Variants in TTC7A observed in about 807,000 individuals in gnomAD.
The protein encoded by TTC7A is tetratricopeptide repeat domain 7A.
A neutral mutation model predicts 103.7 loss-of-function variants in TTC7A; 110 were observed. That is an observed-to-expected ratio of 1.06 (90% CI 0.91 to 1.24). The LOEUF is 1.24. Ranked by LOEUF, TTC7A falls within the 50% of genes most tolerant of loss-of-function variation. The pLI, the probability that TTC7A is intolerant of heterozygous loss-of-function variation, is 0.00. For synonymous variants in TTC7A, 521 were observed against 467.9 expected, an observed-to-expected ratio of 1.11 and a Z score of -1.47; for missense variants, 1,340 against 1,116.3, an observed-to-expected ratio of 1.20 and a Z score of -2.86.
intron 12 of TTC7A, among the ~76,000 whole-genome samples, chr2:47,022,391 C>T (rs950813962): frequency 1.3e-5 from 2 of 152,226 alleles, no homozygotes; most frequent in East Asian, 1.9e-4. Flanking sequence ...CTATGATCTT[C>T]TGGAGCCTTT....
intron 19 of TTC7A, among the ~76,000 whole-genome samples, chr2:47,062,231 A>G (rs1484837773): frequency 6.6e-6 from 1 of 152,248 alleles, no homozygotes; most frequent in African/African-American, 2.4e-5. Context: ...GAGCCAGACC[A>G]GGTCATCTTC....
Position 47,006,005 on chromosome 2 carries a change from T to G in TTC7A, c.1149T>G (p.Tyr383Ter). The change falls in exon 9 of 20, where the codon TAT (tyrosine) becomes TAG (stop). Residue 383 changes from tyrosine (Y) to a stop codon, truncating the protein, a stop_gained. Coordinates refer to ENST00000319190, the MANE Select transcript of TTC7A (RefSeq NM_020458.4). LOFTEE classifies it high-confidence loss of function. ...TVSLQNAAAI[Y>*]DLLSITLGRR... ...GCTTGCAGAATGCCGCAGCCATCTATGACCTCCTGAGCATCACGTTGGGCA... is the reference window on the plus strand; with the variant it reads ...GCTTGCAGAATGCCGCAGCCATCTAGGACCTCCTGAGCATCACGTTGGGCA... 1 of 1,613,980 alleles carries G rather than the reference T, an allele frequency of 6.2e-7. No homozygotes were observed. Among genetic ancestry groups the G allele is most frequent in the Non-Finnish European group, 8.5e-7 (1 of 1,180,006 alleles).
At chr2:46,996,888 G>A (rs890678319) in intron 8 of TTC7A, among the ~76,000 whole-genome samples, 6 of 152,052 alleles carry the variant, frequency 3.9e-5, no homozygotes, top group African/African-American at 1.2e-4. Context: ...TCCCCTCTCC[G>A]CCATTTCACC....
At chr2:46,961,576 CAAAT>C (rs58889946) in intron 3 of TTC7A, among the ~76,000 whole-genome samples, 251 of 135,132 alleles carry the variant, frequency 1.9e-3, no homozygotes, top group African/African-American at 6.6e-3. Flanking sequence ...GACTCCATCT[CAAAT>C]AAATAAATAA....
chr2:47,038,604 T>G lies in TTC7A; in HGVS notation c.1803-7711T>G, dbSNP rs569055003. Among the ~76,000 whole-genome samples the G allele has an allele frequency of 9.9e-5, 15 of 151,750 alleles. 1 individual carries two copies. In the South Asian group the frequency reaches 3.1e-3, roughly 32 times the overall value. On this transcript the variant is annotated intron_variant, in intron 15 of 19. Coordinates refer to ENST00000319190, the MANE Select transcript of TTC7A (RefSeq NM_020458.4). ...TTTTAAGAGATAATGCCCCTTTCTA[T>G]GCATTCACTACACCTGCTGCCACTT...
chr2:47,037,064 C>A (rs1270341927), intron 15 of TTC7A, among the ~76,000 whole-genome samples: 1 of 152,154 alleles, frequency 6.6e-6, no homozygotes, highest in South Asian at 2.1e-4. Flanking sequence ...TCAGGCTGGC[C>A]CCTCTCTCCC....
At chr2:47,054,437 A>G (rs1245964283) in intron 18 of TTC7A, among the ~76,000 whole-genome samples, 2 of 152,094 alleles carry the variant, frequency 1.3e-5, no homozygotes, top group Non-Finnish European at 2.9e-5. Context: ...ATTGGCACAC[A>G]TCACCTCCCC....
chr2:47,056,233 T>C (rs77371167), intron 18 of TTC7A, among the ~76,000 whole-genome samples: 1,832 of 152,362 alleles, frequency 0.012, 42 homozygotes, highest in African/African-American at 0.042. Context: ...TTCCTTCTTT[T>C]TCTGGGCATT....
At chr2:46,949,600 A>G (rs1387580450) in intron 1 of TTC7A, among the ~76,000 whole-genome samples, 1 of 152,224 alleles carries the variant, frequency 6.6e-6, no homozygotes, top group Non-Finnish European at 1.5e-5. Flanking sequence ...ATTTGCGGGT[A>G]TACCCTATAT....
At chr2:46,984,911 GC>G (rs1674854630) in intron 5 of TTC7A, among the ~76,000 whole-genome samples, 1 of 152,166 alleles carries the variant, frequency 6.6e-6, no homozygotes, top group African/African-American at 2.4e-5. Flanking sequence ...AGAAGCCAGG[GC>G]CTAGTGACAG....
chr2:47,023,548 T>C (rs1679526357), intron 13 of TTC7A, 83 bp downstream of exon 13: 3 of 1,395,136 alleles, frequency 2.2e-6, no homozygotes, highest in Admixed American at 1.7e-5. Flanking sequence ...GACCCTCTGA[T>C]GTGGGCAGAA....
In TTC7A at chr2:47,024,345, G is replaced by T. The variant is rs1679644427; in HGVS notation, c.1627G>T (p.Ala543Ser). 1 of 1,606,174 alleles carries T rather than the reference G, an allele frequency of 6.2e-7. No homozygotes were observed. The highest frequency in any genetic ancestry group is 8.5e-7 in the Non-Finnish European group (1 of 1,176,570). ...QVILYVSLQL[A>S]LVRQISSAME... ...CATCCTCTATGTCTCGCTGCAGCTG[G>T]CCCTCGTCCGACAGGTGGGTTGTCC... Residue 543 changes from alanine (A) to serine (S), a missense_variant, in exon 14 of 20, where the codon GCC (alanine) becomes TCC (serine). Ala to Ser is a moderately conservative substitution (Grantham distance 99, BLOSUM62 1). Transcript: ENST00000319190.
upstream of TTC7A, among the ~76,000 whole-genome samples, chr2:46,940,825 G>T (rs1670267165): frequency 6.6e-6 from 1 of 152,140 alleles, no homozygotes. This position sits in a 1 kb window ranked among gnomAD's most constrained non-coding sequence, Gnocchi z 4.7. Context: ...CTCCCGGGAG[G>T]CTCGCCGTCG....
chr2:46,988,336 C>T (rs1424186801), intron 5 of TTC7A, among the ~76,000 whole-genome samples: 3 of 152,150 alleles, frequency 2.0e-5, no homozygotes, highest in African/African-American at 7.2e-5. Flanking sequence ...TTTGGGTCTG[C>T]GACAGGGGTG....
chr2:47,052,025 G>A, intron 18 of TTC7A, 145 bp downstream of exon 18: 1 of 1,090,980 alleles, frequency 9.2e-7, no homozygotes, highest in South Asian at 1.9e-5. Flanking sequence ...CTCTGGCTGT[G>A]GGTCTCCTTC....
At chr2:46,967,475 G>A (rs1029784525) in intron 3 of TTC7A, among the ~76,000 whole-genome samples, 1 of 152,072 alleles carries the variant, frequency 6.6e-6, no homozygotes. Flanking sequence ...ATTTGATTAC[G>A]CAAGTACCTC....
In TTC7A at chr2:47,057,572, G is replaced by GC. The variant is rs549254047; in HGVS notation, c.2153-3195dup. Reference sequence around the variant, plus strand: ...AGTTGTAAACAGCTTAATCAGCTGTGCCAGGGCCAAGTAGACCAGGGGAGT... The same window carrying GC: ...AGTTGTAAACAGCTTAATCAGCTGTGCCCAGGGCCAAGTAGACCAGGGGAGT... On this transcript the variant is annotated intron_variant, in intron 18 of 19. Transcript: ENST00000319190. Among the ~76,000 whole-genome samples the GC allele has an allele frequency of 1.3e-4, 20 of 152,306 alleles. No individual in the cohort carries two copies. In the South Asian group the frequency reaches 2.7e-3, roughly 21 times the overall value.
chr2:47,016,254 A>G (rs753539669), intron 11 of TTC7A, among the ~76,000 whole-genome samples: 43 of 152,226 alleles, frequency 2.8e-4, no homozygotes, highest in Non-Finnish European at 4.7e-4. Context: ...ATGTCCTTCA[A>G]TGCATCCTTT....
upstream of TTC7A, among the ~76,000 whole-genome samples, chr2:46,940,992 C>T (rs1572668125): frequency 1.3e-5 from 2 of 151,990 alleles, no homozygotes; most frequent in South Asian, 4.1e-4. The surrounding 1 kb of genome is among the most constrained non-coding windows in gnomAD (Gnocchi z 4.7). Context: ...GAGGCGCCCC[C>T]GGGCGCCGGG....
Sources: gnomAD v4.1 joint callset for allele counts (sites outside exome capture counted in the v4.1 genomes callset) on GRCh38, gnomAD v4.1.1 for gene constraint, Gnocchi (gnomAD v3.1) non-coding constraint, MANE v1.5 for transcripts, NCBI Gene and HGNC (gene_info 2026-07-23, HGNC 2026-07-21) for gene names.